CACNB2: variants seen among roughly 807,000 people sequenced by gnomAD.
The protein encoded by CACNB2 is calcium voltage-gated channel auxiliary subunit beta 2.
A neutral mutation model predicts 73.3 loss-of-function variants in CACNB2; 42 were observed. That is an observed-to-expected ratio of 0.57 (90% CI 0.45 to 0.74). The LOEUF is 0.74. CACNB2 is among the 30% of genes least tolerant of loss of function. The pLI is 0.00. For missense variants in CACNB2, 940 were observed against 853.0 expected (o/e 1.10, Z -1.27); for synonymous variants, 348 against 310.3 (o/e 1.12, Z -1.28).
chr10:18,453,613 C>T (rs532623576), intron 3 of CACNB2, among the ~76,000 whole-genome samples: 1 of 152,356 alleles, frequency 6.6e-6, no homozygotes, highest in South Asian at 2.1e-4. Flanking sequence ...TTGTCTCGTA[C>T]ACATACTTAC....
At chr10:18,456,632 C>T (rs1683037328) in intron 3 of CACNB2, among the ~76,000 whole-genome samples, 1 of 152,152 alleles carries the variant, frequency 6.6e-6, no homozygotes, top group Non-Finnish European at 1.5e-5. Flanking sequence ...GGTGGGGTCA[C>T]AGATCCAAAC....
chr10:18,191,767 A>G (rs920918610), intron 2 of CACNB2, among the ~76,000 whole-genome samples: 4 of 152,204 alleles, frequency 2.6e-5, no homozygotes, highest in African/African-American at 9.6e-5. Context: ...AATGCTGTTA[A>G]TTCATTCCTT....
chr10:18,400,378 C>T (rs558316638), intron 2 of CACNB2, among the ~76,000 whole-genome samples: 36 of 152,296 alleles, frequency 2.4e-4, no homozygotes, highest in Admixed American at 1.8e-3. Flanking sequence ...TCATCTGAAA[C>T]AGAAACAGAC....
intron 3 of CACNB2, among the ~76,000 whole-genome samples, chr10:18,467,832 A>G (rs2047980399): frequency 6.6e-6 from 1 of 152,174 alleles, no homozygotes; most frequent in Non-Finnish European, 1.5e-5. Context: ...AACTATGCTA[A>G]AGTACTCACA....
At chr10:18,532,772 G>T (rs1001402984) in intron 10 of CACNB2, among the ~76,000 whole-genome samples, 65 of 147,692 alleles carry the variant, frequency 4.4e-4, no homozygotes, top group Admixed American at 7.4e-4. Context: ...ACCTTTAAAA[G>T]CAAGGAGTTA....
chr10:18,539,412 G>C lies in CACNB2; in HGVS notation c.1671G>C (p.Ser557=), dbSNP rs2228646. 2.5e-6 allele frequency: 4 copies of C among 1,613,912 alleles called. No individual in the cohort carries two copies. In the South Asian group the frequency reaches 3.3e-5, roughly 13 times the overall value. The stretch of plus-strand genomic sequence containing the variant: ...TCTCCAGGCAAGAGACATTTGACTC[G>C]GAAACCCAGGAGAGTCGAGACTCTG... ...RGLSRQETFD[S]ETQESRDSAY... Residue 557 remains serine (S), a synonymous_variant, in exon 14 of 14, where the codon TCG becomes TCC. Coordinates refer to ENST00000324631, the MANE Select transcript of CACNB2 (RefSeq NM_201596.3).
At chr10:18,315,529 C>CAA (rs869158666) in intron 2 of CACNB2, among the ~76,000 whole-genome samples, 14 of 65,574 alleles carry the variant, frequency 2.1e-4, no homozygotes, top group Non-Finnish European at 3.0e-4. Context: ...AAAAAAAAAA[C>CAA]TTTTTTTTTT....
intron 2 of CACNB2, among the ~76,000 whole-genome samples, chr10:18,254,513 GA>G (rs144139899): frequency 3.4e-5 from 5 of 148,056 alleles, no homozygotes; most frequent in East Asian, 2.0e-4. Flanking sequence ...TCATTACTGA[GA>G]AAAAAAAATG....
At chr10:18,401,052 G>A in intron 2 of CACNB2, 1 of 1,614,188 alleles carries the variant, frequency 6.2e-7, no homozygotes, top group Non-Finnish European at 8.5e-7. Context: ...CCTGGATCAG[G>A]CTTCTGAAAA....
chr10:18,511,831 C>T (rs570998996), intron 6 of CACNB2, among the ~76,000 whole-genome samples: 29 of 152,106 alleles, frequency 1.9e-4, no homozygotes, highest in Non-Finnish European at 1.6e-4. Context: ...GGTATAGGGA[C>T]GGTTACAGAC....
intron 2 of CACNB2, among the ~76,000 whole-genome samples, chr10:18,299,633 C>A (rs1408950874): frequency 6.6e-6 from 1 of 152,056 alleles, no homozygotes; most frequent in Non-Finnish European, 1.5e-5. Context: ...ATCAATTGAG[C>A]CTGGGAGGTT....
At chr10:18,330,930 G>A (rs1306939842) in intron 2 of CACNB2, among the ~76,000 whole-genome samples, 1 of 151,492 alleles carries the variant, frequency 6.6e-6, no homozygotes, top group Non-Finnish European at 1.5e-5. Flanking sequence ...GCCTCCCAAT[G>A]TGCTGGGATT....
chr10:18,430,120 C>A (rs1486069538), intron 3 of CACNB2, among the ~76,000 whole-genome samples: 1 of 107,698 alleles, frequency 9.3e-6, no homozygotes, highest in Non-Finnish European at 1.8e-5. Context: ...AGCAGAAAAT[C>A]AAGAAGATGT....
intron 2 of CACNB2, among the ~76,000 whole-genome samples, chr10:18,199,941 CTGTGTGTGTGTGTGTG>C (rs141377460): frequency 8.1e-5 from 11 of 136,412 alleles, no homozygotes; most frequent in Non-Finnish European, 1.4e-4. Context: ...GTATATGAAA[CTGTGTGTGTGTGTGTG>C]TGTGTGTGTG....
chr10:18,309,489 C>T (rs1044055953), intron 2 of CACNB2, among the ~76,000 whole-genome samples: 6 of 152,200 alleles, frequency 3.9e-5, no homozygotes, highest in South Asian at 2.1e-4. Flanking sequence ...AGTGGAGCCT[C>T]GCTCTGTCGC....
chr10:18,338,926 G>A (rs2041123601), intron 2 of CACNB2, among the ~76,000 whole-genome samples: 1 of 151,584 alleles, frequency 6.6e-6, no homozygotes. Context: ...TTTTTGCAGA[G>A]ACGGGGTCTT....
intron 2 of CACNB2, among the ~76,000 whole-genome samples, chr10:18,395,999 C>T (rs2043695965): frequency 6.6e-6 from 1 of 152,182 alleles, no homozygotes; most frequent in African/African-American, 2.4e-5. Flanking sequence ...CTCTGTCACC[C>T]AAGCTGGAGT....
intron 4 of CACNB2, among the ~76,000 whole-genome samples, chr10:18,499,234 G>A (rs963982630): frequency 6.6e-6 from 1 of 152,108 alleles, no homozygotes; most frequent in Non-Finnish European, 1.5e-5. Context: ...TCCATCTAGG[G>A]TATATATAAT....
At chr10:18,458,523 C>T (rs1337185950) in intron 3 of CACNB2, among the ~76,000 whole-genome samples, 1 of 152,106 alleles carries the variant, frequency 6.6e-6, no homozygotes, top group African/African-American at 2.4e-5. Context: ...ATAATTACAA[C>T]AGTATCATTT....
Sources: allele counts gnomAD v4.1 joint callset (sites outside exome capture counted in the v4.1 genomes callset), GRCh38; gene constraint gnomAD v4.1.1; transcripts MANE v1.5; gene names NCBI Gene and HGNC (gene_info 2026-07-23, HGNC 2026-07-21).